DYM: variants seen among roughly 807,000 people sequenced by gnomAD.
The protein encoded by DYM is dymeclin, also known as dyggve-Melchior-Clausen syndrome protein.
A neutral mutation model predicts 93.1 loss-of-function variants in DYM; 78 were observed. The ratio of observed to expected loss-of-function variants is 0.84; its 90% CI spans 0.70 to 1.01. The LOEUF (loss-of-function observed/expected upper bound fraction) is 1.01. DYM is among the 50% of genes least tolerant of loss of function. DYM has a pLI of 0.00. For missense variants in DYM, 789 were observed against 845.0 expected (o/e 0.93, Z 0.82); for synonymous variants, 321 against 319.7 (o/e 1.00, Z -0.04).
chr18:49,164,858 A>G (rs1261629171), intron 14 of DYM, among the ~76,000 whole-genome samples: 1 of 152,248 alleles, frequency 6.6e-6, no homozygotes, highest in Non-Finnish European at 1.5e-5. Context: ...ATTCTATTCT[A>G]GAGTGCAAAT....
intron 16 of DYM, chr18:49,114,662 T>TTTTC: frequency 2.6e-6 from 2 of 776,910 alleles, no homozygotes; most frequent in Non-Finnish European, 3.1e-6. Flanking sequence ...TTTTTTTTCT[T>TTTTC]TTTCTTTCGT....
chr18:49,136,692 C>G (rs777842057), intron 15 of DYM, among the ~76,000 whole-genome samples: 46 of 152,186 alleles, frequency 3.0e-4, no homozygotes, highest in Middle Eastern at 3.4e-3. Context: ...AATAAAAATA[C>G]TCTTAATCAG....
rs537651205 is a variant in DYM, at chr18:49,430,861, G to A, written c.-53-414C>T. 2.0e-5 allele frequency among the ~76,000 whole-genome samples: 3 copies of A among 147,998 alleles called. No individual in the cohort carries two copies. The East Asian group carries it at 6.0e-4, about 30-fold the overall frequency. On this transcript the variant is annotated intron_variant, in intron 1 of 17. Coordinates refer to ENST00000675505, the MANE Select transcript of DYM (RefSeq NM_001353214.3). ...GATCGCGCCACTGCACTCCAGCCTG[G>A]CGACAGAGCAAGACTCCATCTCAAA...
chr18:49,073,651 C>T (rs986525546), intron 17 of DYM, among the ~76,000 whole-genome samples: 4 of 152,226 alleles, frequency 2.6e-5, no homozygotes, highest in African/African-American at 9.7e-5. Flanking sequence ...TGCAAACCCA[C>T]GTCACAGCAG....
At chr18:49,363,975 T>A (rs2066284835) in intron 5 of DYM, among the ~76,000 whole-genome samples, 1 of 152,254 alleles carries the variant, frequency 6.6e-6, no homozygotes, top group Admixed American at 6.5e-5. Context: ...TTCTTTCTTT[T>A]CTCAGTTCTT....
intron 13 of DYM, among the ~76,000 whole-genome samples, chr18:49,210,352 C>T (rs1162430095): frequency 3.9e-5 from 6 of 152,054 alleles, no homozygotes; most frequent in Non-Finnish European, 8.8e-5. Context: ...GGTGGTACAT[C>T]TAGACGATGG....
At chr18:49,185,505 G>A (rs781518501) in intron 14 of DYM, among the ~76,000 whole-genome samples, 2 of 152,064 alleles carry the variant, frequency 1.3e-5, no homozygotes, top group Non-Finnish European at 2.9e-5. Context: ...ACAGTTTTTC[G>A]AATTTATTTC....
intron 8 of DYM, among the ~76,000 whole-genome samples, chr18:49,304,678 T>C (rs1326853465): frequency 6.6e-6 from 1 of 152,144 alleles, no homozygotes; most frequent in East Asian, 1.9e-4. Context: ...CCAGCTACCT[T>C]GAAATAGCCC....
intron 6 of DYM, among the ~76,000 whole-genome samples, chr18:49,361,938 C>G (rs1471866789): frequency 3.9e-5 from 6 of 152,020 alleles, no homozygotes; most frequent in Admixed American, 3.9e-4. Flanking sequence ...GTTGGCCAGG[C>G]TGGTCGTGAA....
intron 17 of DYM, among the ~76,000 whole-genome samples, chr18:49,085,503 A>T (rs2078431376): frequency 6.6e-6 from 1 of 151,982 alleles, no homozygotes; most frequent in African/African-American, 2.4e-5. Flanking sequence ...AACTGACATT[A>T]TATTAGTCAG....
chr18:49,215,090 TCTC>T (rs2092968125), intron 13 of DYM, among the ~76,000 whole-genome samples: 2 of 152,336 alleles, frequency 1.3e-5, no homozygotes, highest in African/African-American at 4.8e-5. Flanking sequence ...TTAGAAAACT[TCTC>T]CTTATAATAA....
chr18:49,198,866 T>C lies in DYM; in HGVS notation c.1625+10685A>G, dbSNP rs1233276979. On this transcript the variant is annotated intron_variant, in intron 14 of 17. Coordinates refer to ENST00000675505, the MANE Select transcript of DYM (RefSeq NM_001353214.3). ...CTAGAAATACCATTTGACCCAGCCA[T>C]CCCATTACTGGGTATATACCCAAAG... Among the ~76,000 whole-genome samples, 4 of 151,742 alleles carry C rather than the reference T, an allele frequency of 2.6e-5. No individual in the cohort carries two copies. The East Asian group carries it at 7.7e-4, about 29-fold the overall frequency.
rs536482551 is a variant in DYM at position 49,376,698 on chromosome 18, C to T, written c.421+1869G>A. On this transcript the variant is annotated intron_variant, in intron 5 of 17. Transcript: ENST00000675505. Reference sequence around the variant, plus strand: ...ATTCGGACCTTACAGAAATGAAAGGCGATAGACTCCTTGGACATGAACCTG... The same window carrying T: ...ATTCGGACCTTACAGAAATGAAAGGTGATAGACTCCTTGGACATGAACCTG... Among the ~76,000 whole-genome samples the T allele has an allele frequency of 9.9e-5, 15 of 152,276 alleles. 1 individual carries two copies. The South Asian group carries it at 1.4e-3, about 15-fold the overall frequency.
chr18:49,150,296 C>A (rs2085672513), intron 15 of DYM, among the ~76,000 whole-genome samples: 1 of 152,300 alleles, frequency 6.6e-6, no homozygotes, highest in East Asian at 1.9e-4. Context: ...TGTTCCCACT[C>A]AAATTCATAT....
chr18:49,246,379 AAC>A (rs1300583280), intron 13 of DYM, among the ~76,000 whole-genome samples: 17 of 152,350 alleles, frequency 1.1e-4, no homozygotes, highest in African/African-American at 4.1e-4. Flanking sequence ...AAGTCCATGA[AAC>A]ACATGCAATT....
intron 17 of DYM, among the ~76,000 whole-genome samples, chr18:49,073,453 C>T (rs2077051548): frequency 6.7e-6 from 1 of 149,908 alleles, no homozygotes; most frequent in Non-Finnish European, 1.5e-5. Flanking sequence ...TCCCCCCACC[C>T]CCATAAAATA....
chr18:49,215,271 G>C (rs983403699), intron 13 of DYM, among the ~76,000 whole-genome samples: 1 of 151,976 alleles, frequency 6.6e-6, no homozygotes, highest in East Asian at 1.9e-4. Context: ...TCTCTCATGG[G>C]CTATGGTTTT....
chr18:49,330,267 A>C (rs2063214536), intron 8 of DYM, among the ~76,000 whole-genome samples: 1 of 152,186 alleles, frequency 6.6e-6, no homozygotes, highest in South Asian at 2.1e-4. Context: ...ATTTTAATGC[A>C]CTTAACTGAA....
intron 13 of DYM, among the ~76,000 whole-genome samples, chr18:49,250,007 C>A (rs2094252063): frequency 6.6e-6 from 1 of 152,198 alleles, no homozygotes; most frequent in Non-Finnish European, 1.5e-5. Flanking sequence ...TAGAGTCTGG[C>A]ACTGTCTAAA....
Sources: gnomAD v4.1 joint callset for allele counts (sites outside exome capture counted in the v4.1 genomes callset) on GRCh38, gnomAD v4.1.1 for gene constraint, MANE v1.5 for transcripts, NCBI Gene and HGNC (gene_info 2026-07-23, HGNC 2026-07-21) for gene names.